Variants in DENND3 observed in about 807,000 individuals in gnomAD.
DENND3 encodes DENN domain-containing protein 3.
Under a neutral mutation model 135.1 loss-of-function variants are expected in DENND3, and 88 were observed. The ratio of observed to expected loss-of-function variants is 0.65; its 90% CI spans 0.55 to 0.78. DENND3 has a LOEUF of 0.78. Ranked by LOEUF, DENND3 falls within the 30% of genes least tolerant of loss-of-function variation. The pLI is 0.00. For synonymous variants in DENND3, 693 were observed against 712.3 expected (o/e 0.97, Z 0.43); for missense variants, 1,392 against 1,688.4 (o/e 0.82, Z 3.08).
In DENND3 at chr8:141,182,574, C is replaced by T; in HGVS notation, c.2944+1720C>T. ...CGGGCGAGGAGTTCAGGCGGCTTCC[C>T]CTCCAGGAGCATCTCGAAGGCCTGC... On this transcript the variant is annotated intron_variant, in intron 17 of 22. Transcript: ENST00000519811. This position sits in a 1 kb window ranked among gnomAD's most constrained non-coding sequence, Gnocchi z 5.9. The T allele has an allele frequency of 4.8e-6, 4 of 837,304 alleles. No homozygotes were observed. The highest frequency in any genetic ancestry group is 5.8e-6 in the Non-Finnish European group (4 of 695,440). 51.9% of individuals were successfully genotyped at this position (837,304 alleles called of 1,614,324 possible).
At chr8:141,162,956 T>C (rs956933655) in intron 9 of DENND3, among the ~76,000 whole-genome samples, 5 of 152,164 alleles carry the variant, frequency 3.3e-5, no homozygotes, top group African/African-American at 1.2e-4. Flanking sequence ...AAGTGACTTG[T>C]CCGGGAAGGC....
intron 20 of DENND3, among the ~76,000 whole-genome samples, chr8:141,191,007 CAT>C (rs1287606655): frequency 6.6e-6 from 1 of 152,276 alleles, no homozygotes; most frequent in African/African-American, 2.4e-5. Flanking sequence ...TGCCAGATTA[CAT>C]GAGTGACGGC....
intron 15 of DENND3, 75 bp downstream of exon 15, chr8:141,176,836 C>CTGTG: frequency 6.5e-7 from 1 of 1,550,220 alleles, no homozygotes; most frequent in Non-Finnish European, 8.8e-7. Context: ...GGTCCTGTGG[C>CTGTG]AGTCCTCAGC....
At chr8:141,163,817 A>G (rs1309111064) in intron 10 of DENND3, among the ~76,000 whole-genome samples, 1 of 150,406 alleles carries the variant, frequency 6.6e-6, no homozygotes, top group Non-Finnish European at 1.5e-5. Flanking sequence ...CTAAGGCAGG[A>G]GAATTGCTTG....
rs1815454483 is a variant in DENND3, at chr8:141,128,641, G to GGGGTCT, written c.-65_-60dup. The stretch of plus-strand genomic sequence containing the variant: ...CCCCAGGCGGCGCGGCTGGTCCCCA[G>GGGGTCT]GGGTCTGCGGGCGACTGCGCGGCTG... On this transcript the variant is annotated 5_prime_UTR_variant, in exon 1 of 23. Transcript: ENST00000519811. This position sits in a 1 kb window ranked among gnomAD's most constrained non-coding sequence, Gnocchi z 4.5. The GGGGTCT allele has an allele frequency of 6.5e-6, 7 of 1,071,342 alleles. No homozygotes were observed. Among genetic ancestry groups the GGGGTCT allele is most frequent in the Non-Finnish European group, 8.3e-6 (7 of 838,952 alleles). 66.4% of individuals were successfully genotyped at this position (1,071,342 alleles called of 1,614,324 possible).
Position 141,189,060 on chromosome 8 carries a change from C to T in DENND3, c.3159C>T (p.Val1053=), listed in dbSNP as rs926060780. ...ACTCCGTCATCTACATCATCAACGT[C>T]CACAGCATGTCCTGCAACAAGCAGC... ...SEDSVIYIIN[V]HSMSCNKQLT... The change falls in exon 19 of 23, where the codon GTC becomes GTT. Residue 1053 remains valine, a synonymous_variant. Coordinates refer to ENST00000519811, the MANE Select transcript of DENND3 (RefSeq NM_001352890.3). The T allele has an allele frequency of 6.2e-7, 1 of 1,614,110 alleles. No individual in the cohort carries two copies. Among genetic ancestry groups the T allele is most frequent in the Non-Finnish European group, 8.5e-7 (1 of 1,180,046 alleles).
At position 141,157,740 on chromosome 8, in the gene DENND3, A is replaced by G. The variant is rs894752400; in HGVS notation, c.1196+1770A>G. 2.7e-5 allele frequency: 27 copies of G among 983,866 alleles called. No homozygotes were observed. In the African/African-American group the frequency reaches 4.2e-4, roughly 15 times the overall value. The allele number at this position is 983,866 out of a possible 1,614,324, so 60.9% of individuals were successfully genotyped here. The stretch of plus-strand genomic sequence containing the variant: ...CTTCTACCTGGAAGGTTTCTGAAAA[A>G]TGTTTAGGAAAACTACCTCTTTTTT... On this transcript the variant is annotated intron_variant, in intron 8 of 22. Coordinates refer to ENST00000519811, the MANE Select transcript of DENND3 (RefSeq NM_001352890.3).
chr8:141,141,264 T>C lies in DENND3; in HGVS notation c.563T>C (p.Phe188Ser), dbSNP rs1569555217. The C allele has an allele frequency of 6.2e-7, 1 of 1,614,142 alleles. No homozygotes were observed. The highest frequency in any genetic ancestry group is 8.5e-7 in the Non-Finnish European group (1 of 1,180,014). ...GAGTGTCCTGGCTGCTTCGTGCCCTTCGCGGTGTGCGTGGTCTCCAGGTTT... is the reference window on the plus strand; with the variant it reads ...GAGTGTCCTGGCTGCTTCGTGCCCTCCGCGGTGTGCGTGGTCTCCAGGTTT... ...HRECPGCFVP[F>S]AVCVVSRFPY... The change falls in exon 4 of 23, where the codon TTC becomes TCC. Residue 188 changes from phenylalanine (F) to serine (S), a missense_variant. By Grantham distance (155) the Phe-to-Ser change is radical. Coordinates refer to ENST00000519811, the MANE Select transcript of DENND3 (RefSeq NM_001352890.3). The surrounding 1 kb of genome is among the most constrained non-coding windows in gnomAD (Gnocchi z 5.3).
chr8:141,168,332 G>A lies in DENND3; in HGVS notation c.2082G>A (p.Ala694=), dbSNP rs1038049998. The A allele has an allele frequency of 3.7e-6, 6 of 1,613,932 alleles. No individual in the cohort carries two copies. Among genetic ancestry groups the A allele is most frequent in the Non-Finnish European group, 5.1e-6 (6 of 1,180,008 alleles). The change falls in exon 13 of 23, where the codon GCG becomes GCA. Residue 694 remains alanine (A), a synonymous_variant. Transcript: ENST00000519811. The surrounding 1 kb of genome is among the most constrained non-coding windows in gnomAD (Gnocchi z 6.2). ...CTGAGTGGGAGGGGGCTGAGCAGGCGCCGGAGCTGATGAGGCTCATCAGCG... is the reference window on the plus strand; with the variant it reads ...CTGAGTGGGAGGGGGCTGAGCAGGCACCGGAGCTGATGAGGCTCATCAGCG... ...SAPEWEGAEQ[A]PELMRLISEI... is the part of the protein sequence containing the mutation.
chr8:141,175,206 A>G lies in DENND3; in HGVS notation c.2282A>G (p.Glu761Gly). The G allele has an allele frequency of 6.2e-7, 1 of 1,613,298 alleles. No individual in the cohort carries two copies. Among genetic ancestry groups the G allele is most frequent in the East Asian group, 2.2e-5 (1 of 44,862 alleles). The change falls in exon 14 of 23, where the codon GAG (glutamate) becomes GGG (glycine). Residue 761 changes from glutamate (E) to glycine (G), a missense_variant. Glu to Gly is a moderately conservative substitution (Grantham distance 98). Coordinates refer to ENST00000519811, the MANE Select transcript of DENND3 (RefSeq NM_001352890.3). This position sits in a 1 kb window ranked among gnomAD's most constrained non-coding sequence, Gnocchi z 5.4. Reference sequence around the variant, plus strand: ...TTCTTCTTATCAAACTAAGGACAGGAGAAACAAATCGACCCAGAAACATTC... The same window carrying G: ...TTCTTCTTATCAAACTAAGGACAGGGGAAACAAATCGACCCAGAAACATTC... ...RLFEALTVGQEKQIDPETFKD... is the reference protein window; with the variant it reads ...RLFEALTVGQGKQIDPETFKD...
intron 22 of DENND3, 155 bp downstream of exon 22, chr8:141,192,818 C>T: frequency 6.4e-7 from 1 of 1,557,894 alleles, no homozygotes; most frequent in Non-Finnish European, 8.6e-7. Context: ...AGGGTTGGTG[C>T]CAACGGGCCC....
chr8:141,158,130 C>G (rs192340485), intron 8 of DENND3: 1 of 1,285,054 alleles, frequency 7.8e-7, no homozygotes, highest in East Asian at 5.6e-5. Flanking sequence ...AGCGATGGTC[C>G]TGCACAGGCA....
In DENND3 at chr8:141,168,017, G is replaced by A. The variant is rs370568165; in HGVS notation, c.1767G>A (p.Thr589=). The A allele has an allele frequency of 8.1e-5, 131 of 1,608,444 alleles. No individual in the cohort carries two copies. The Middle Eastern group carries it at 2.5e-3, about 31-fold the overall frequency. Residue 589 remains threonine (T), a synonymous_variant, in exon 13 of 23, where the codon ACG becomes ACA. Coordinates refer to ENST00000519811, the MANE Select transcript of DENND3 (RefSeq NM_001352890.3). This position sits in a 1 kb window ranked among gnomAD's most constrained non-coding sequence, Gnocchi z 6.2. ...TGAATGTTTTAGTTCTGAATGTCAC[G>A]CCGAAGTCCCCGTATACATTCAAGA... ...CRGSSAVLNV[T]PKSPYTFKIP...
At chr8:141,183,456 C>T (rs1338939022) in intron 17 of DENND3, among the ~76,000 whole-genome samples, 16 of 148,864 alleles carry the variant, frequency 1.1e-4, no homozygotes, top group Admixed American at 8.0e-4. Flanking sequence ...GGAGTTTTGC[C>T]GTATTGCTCA....
Position 141,130,703 on chromosome 8 carries a change from T to C in DENND3, c.102+1894T>C, listed in dbSNP as rs1401932907. On this transcript the variant is annotated intron_variant, in intron 1 of 22. Coordinates refer to ENST00000519811, the MANE Select transcript of DENND3 (RefSeq NM_001352890.3). This position sits in a 1 kb window ranked among gnomAD's most constrained non-coding sequence, Gnocchi z 4.2. ...GGCTTTTAAATATATTTTTTTTTTT[T>C]TGAGACAGAGTTTTGCTCTGTTGCC... 6.6e-6 allele frequency among the ~76,000 whole-genome samples: 1 copy of C among 151,754 alleles called. No individual in the cohort carries two copies. The highest frequency in any genetic ancestry group is 1.5e-5 in the Non-Finnish European group (1 of 67,958).
intron 5 of DENND3, chr8:141,150,166 C>T (rs1818615011): frequency 2.5e-6 from 1 of 394,694 alleles, no homozygotes; most frequent in African/African-American, 2.1e-5. Context: ...TCCTGAGGGC[C>T]TCCCACGTGC....
rs3816063 is a variant in DENND3, at chr8:141,150,965, C to T, written c.855+12C>T. On this transcript the variant is annotated intron_variant, in intron 6 of 22. Coordinates refer to ENST00000519811, the MANE Select transcript of DENND3 (RefSeq NM_001352890.3). ...AGAAGGTGCTACAGGTACGCGGCCC[C>T]GCCCCGGCGAGCGCGTCTTGTGCTC... 500,687 of 1,519,972 alleles carry T rather than the reference C, an allele frequency of 0.33. 83,796 individuals carry two copies. The highest frequency in any genetic ancestry group is 0.34 in the Non-Finnish European group (390,656 of 1,138,250). 94.2% of individuals were successfully genotyped at this position (1,519,972 alleles called of 1,614,324 possible).
At chr8:141,133,322 C>T (rs1334465181) in intron 1 of DENND3, among the ~76,000 whole-genome samples, 1 of 152,192 alleles carries the variant, frequency 6.6e-6, no homozygotes, top group Non-Finnish European at 1.5e-5. Context: ...TGTCCTGACT[C>T]ATGCCCACGT....
Position 141,144,145 on chromosome 8 carries a change from C to T in DENND3, c.624-3C>T. ...GGTTTGAGTTTTGTGTTTCGAATTT[C>T]AGTTTATTGGCTCTTCTGAAGCCCT... On this transcript the variant is annotated splice_region_variant and splice_polypyrimidine_tract_variant and intron_variant, in intron 4 of 22. Transcript: ENST00000519811. The surrounding 1 kb of genome is among the most constrained non-coding windows in gnomAD (Gnocchi z 4.4). 1 of 1,602,216 alleles carries T rather than the reference C, an allele frequency of 6.2e-7. No individual in the cohort carries two copies. Among genetic ancestry groups the T allele is most frequent in the Non-Finnish European group, 8.5e-7 (1 of 1,176,632 alleles).
Sources: allele counts gnomAD v4.1 joint callset (sites outside exome capture counted in the v4.1 genomes callset), GRCh38; gene constraint gnomAD v4.1.1; non-coding constraint Gnocchi (gnomAD v3.1); transcripts MANE v1.5; gene names NCBI Gene and HGNC (gene_info 2026-07-23, HGNC 2026-07-21).